The following U2AF2 variants were observed in gnomAD, a reference collection of about 807,000 sequenced individuals.
U2AF2 encodes splicing factor U2AF 65 kDa subunit.
U2AF2 carries 6 observed loss-of-function variants against 52.6 expected under a neutral mutation model. That is an observed-to-expected ratio of 0.11 (90% CI 0.06 to 0.23). The LOEUF (loss-of-function observed/expected upper bound fraction) is 0.23. Among genes scored for constraint, U2AF2 ranks in the 10% least tolerant of loss-of-function variants. U2AF2 has a pLI of 1.00. For synonymous variants in U2AF2, 284 were observed against 258.2 expected (o/e 1.10, Z -0.96); for missense variants, 222 against 677.1 (o/e 0.33, Z 7.46).
chr19:55,672,222 G>C (rs960924595), intron 11 of U2AF2, among the ~76,000 whole-genome samples: 26 of 151,950 alleles, frequency 1.7e-4, no homozygotes, highest in African/African-American at 6.0e-4. Flanking sequence ...TAGGGACTAT[G>C]ATAGTGATAC....
chr19:55,666,183 C>T (rs1192693019), intron 7 of U2AF2, among the ~76,000 whole-genome samples: 1 of 152,222 alleles, frequency 6.6e-6, no homozygotes, highest in Non-Finnish European at 1.5e-5. Context: ...TCTCAGGCGC[C>T]CCCTGCACCA....
At chr19:55,657,929 A>T (rs926816421) in intron 1 of U2AF2, among the ~76,000 whole-genome samples, 16 of 152,238 alleles carry the variant, frequency 1.1e-4, no homozygotes, top group African/African-American at 3.9e-4. Flanking sequence ...AGGATTAAGA[A>T]CAAACAAAAC....
At chr19:55,663,964 C>A in intron 7 of U2AF2, 1 of 608,592 alleles carries the variant, frequency 1.6e-6, no homozygotes, top group Non-Finnish European at 2.8e-6. Context: ...CTGCTGAGGA[C>A]ACACAGCTTG....
chr19:55,658,603 A>C (rs1269122404), intron 1 of U2AF2, among the ~76,000 whole-genome samples: 1 of 152,060 alleles, frequency 6.6e-6, no homozygotes, highest in Non-Finnish European at 1.5e-5. Context: ...GAAGGAGAGG[A>C]GGGCCTCTTT....
At chr19:55,666,921 TGTCTTTGCTCTGTGCCTCA>T (rs1984583845) in intron 7 of U2AF2, among the ~76,000 whole-genome samples, 1 of 152,198 alleles carries the variant, frequency 6.6e-6, no homozygotes, top group South Asian at 2.1e-4. Flanking sequence ...CCTGCCTGTG[TGTCTTTGCTCTGTGCCTCA>T]GTTTTTGCCT....
In U2AF2 at chr19:55,660,839, G is replaced by A. The variant is rs969878572; in HGVS notation, c.335-199G>A. 4.6e-5 allele frequency among the ~76,000 whole-genome samples: 7 copies of A among 152,096 alleles called. No individual in the cohort carries two copies. In the East Asian group the frequency reaches 5.8e-4, roughly 13 times the overall value. Reference sequence around the variant, plus strand: ...AGGGGAATGAGGCCTCCATCTGGACGCCATTAGGAAGTGAGGCTTCTGAGG... The same window carrying A: ...AGGGGAATGAGGCCTCCATCTGGACACCATTAGGAAGTGAGGCTTCTGAGG... On this transcript the variant is annotated intron_variant, in intron 4 of 11. Coordinates refer to ENST00000308924, the MANE Select transcript of U2AF2 (RefSeq NM_007279.3).
At chr19:55,669,773 C>A in intron 11 of U2AF2, 81 bp downstream of exon 11, 2 of 1,471,818 alleles carry the variant, frequency 1.4e-6, no homozygotes, top group African/African-American at 1.4e-5. Flanking sequence ...CTCTTGCTCC[C>A]TCACCCTCTC....
intron 7 of U2AF2, among the ~76,000 whole-genome samples, chr19:55,664,417 G>T (rs1984413277): frequency 6.6e-6 from 1 of 152,220 alleles, no homozygotes; most frequent in Non-Finnish European, 1.5e-5. Flanking sequence ...TAGAAAGCTT[G>T]CAGGATGTGC....
At chr19:55,657,474 C>T (rs1383929471) in intron 1 of U2AF2, among the ~76,000 whole-genome samples, 4 of 152,188 alleles carry the variant, frequency 2.6e-5, no homozygotes, top group East Asian at 1.9e-4. Context: ...AGGCACCCAG[C>T]GGGCATCATT....
chr19:55,659,506 C>A (rs191154764), intron 2 of U2AF2, among the ~76,000 whole-genome samples, 161 bp downstream of exon 2: 9 of 151,506 alleles, frequency 5.9e-5, no homozygotes, highest in Non-Finnish European at 1.2e-4. Context: ...CTTGGTCTGT[C>A]TTGGATTCCG....
chr19:55,660,388 T>A, intron 3 of U2AF2, 128 bp from the exon 4 acceptor site: 1 of 1,057,316 alleles, frequency 9.5e-7, no homozygotes, highest in Non-Finnish European at 1.4e-6. Flanking sequence ...GACCCTCTCC[T>A]TCCCTGGAGA....
chr19:55,656,468 T>C (rs1416382867), intron 1 of U2AF2, among the ~76,000 whole-genome samples: 1 of 152,190 alleles, frequency 6.6e-6, no homozygotes, highest in African/African-American at 2.4e-5. Context: ...CTTTGTCGTT[T>C]AGTAACTGCT....
chr19:55,673,301 A>T (rs1377454474), intron 11 of U2AF2, among the ~76,000 whole-genome samples: 1 of 145,500 alleles, frequency 6.9e-6, no homozygotes, highest in Non-Finnish European at 1.5e-5. Flanking sequence ...TGTGTAATTT[A>T]TCCTTTGTAC....
At chr19:55,658,719 T>C (rs1983960183) in intron 1 of U2AF2, 1 of 153,524 alleles carries the variant, frequency 6.5e-6, no homozygotes, top group East Asian at 1.9e-4. Flanking sequence ...GTTTCCCTGC[T>C]TCCTGGGGAT....
chr19:55,672,190 TC>T (rs1984965484), intron 11 of U2AF2: 1 of 152,134 alleles, frequency 6.6e-6, no homozygotes, highest in Non-Finnish European at 1.5e-5. Context: ...TTGTTACATG[TC>T]TTTTCAAATA....
In U2AF2 at chr19:55,660,192, A is replaced by C; in HGVS notation, c.201A>C (p.Arg67Ser). 6.3e-7 allele frequency: 1 copy of C among 1,598,218 alleles called. No individual in the cohort carries two copies. The highest frequency in any genetic ancestry group is 8.5e-7 in the Non-Finnish European group (1 of 1,172,652). ...DRRRRSKPLT[R>S]GAKEEHGGLI... ...CACCCCCCAGCAAACCTTTGACCAGAGGCGCTAAAGAGGAGCACGGTGGAC... is the reference window on the plus strand; with the variant it reads ...CACCCCCCAGCAAACCTTTGACCAGCGGCGCTAAAGAGGAGCACGGTGGAC... The change falls in exon 3 of 12, where the codon AGA (arginine) becomes AGC (serine). Residue 67 changes from arginine to serine, a missense_variant. This residue lies in a region of U2AF2 where 100 missense variants were observed against 144.1 expected (regional missense o/e 0.69). Coordinates refer to ENST00000308924, the MANE Select transcript of U2AF2 (RefSeq NM_007279.3).
Position 55,663,641 on chromosome 19 carries a change from C to T in U2AF2, c.639C>T (p.Ala213=), listed in dbSNP as rs759196766. The T allele has an allele frequency of 1.9e-6, 3 of 1,614,042 alleles. No homozygotes were observed. The highest frequency in any genetic ancestry group is 4.5e-5 in the East Asian group (2 of 44,900). The change falls in exon 7 of 12, where the codon GCC becomes GCT. Residue 213 remains alanine (A), a synonymous_variant. Coordinates refer to ENST00000308924, the MANE Select transcript of U2AF2 (RefSeq NM_007279.3). ...RSVDETTQAM[A]FDGIIFQGQS... is the part of the protein sequence containing the mutation. ...TGGACGAGACTACCCAGGCTATGGC[C>T]TTTGATGGCATCATCTTCCAGGGCC...
At chr19:55,662,048 C>T (rs913269141) in intron 5 of U2AF2, 1 of 168,406 alleles carries the variant, frequency 5.9e-6, no homozygotes, top group Non-Finnish European at 1.3e-5. Flanking sequence ...CTTTGCTCGT[C>T]TCTGCCCCTG....
At chr19:55,662,652 G>A (rs1211631759) in intron 6 of U2AF2, 34 bp downstream of exon 6, 9 of 1,577,146 alleles carry the variant, frequency 5.7e-6, no homozygotes, top group Middle Eastern at 1.7e-4. Flanking sequence ...TCCAGGAAAC[G>A]TGTGTGATGT....
Sources: allele counts gnomAD v4.1 joint callset (sites outside exome capture counted in the v4.1 genomes callset), GRCh38; gene constraint gnomAD v4.1.1; regional missense constraint gnomAD v4.1.1; transcripts MANE v1.5; gene names NCBI Gene and HGNC (gene_info 2026-07-23, HGNC 2026-07-21).